Variants in SPTLC2 observed in about 807,000 individuals in gnomAD.
SPTLC2 encodes the protein serine palmitoyltransferase long chain base subunit 2.
In SPTLC2, 21 loss-of-function variants were observed where a neutral mutation model predicts 62.0. That is an observed-to-expected ratio of 0.34 (90% CI 0.24 to 0.49). SPTLC2 has a LOEUF of 0.49. Among genes scored for constraint, SPTLC2 ranks in the 20% least tolerant of loss-of-function variants. The pLI is 0.99. For missense variants in SPTLC2, 511 were observed against 713.0 expected, an observed-to-expected ratio of 0.72 and a Z score of 3.23; for synonymous variants, 261 against 261.8, an observed-to-expected ratio of 1.00 and a Z score of 0.03.
At chr14:77,581,406 T>TTG (rs2079750055) in intron 2 of SPTLC2, among the ~76,000 whole-genome samples, 1 of 22,060 alleles carries the variant, frequency 4.5e-5, no homozygotes, top group East Asian at 5.6e-4. Context: ...ACCATCTCTC[T>TTG]TTTTTTTTTT....
At chr14:77,518,628 T>C (rs1263101201) in intron 10 of SPTLC2, among the ~76,000 whole-genome samples, 2 of 150,328 alleles carry the variant, frequency 1.3e-5, no homozygotes, top group East Asian at 1.9e-4. Flanking sequence ...TGATATGTAA[T>C]AGTGGTTCAG....
intron 8 of SPTLC2, chr14:77,554,745 C>A: frequency 6.1e-6 from 1 of 163,812 alleles, no homozygotes; most frequent in Non-Finnish European, 1.3e-5. Context: ...TCGACCACAC[C>A]ACAGATTCTT....
intron 9 of SPTLC2, among the ~76,000 whole-genome samples, chr14:77,548,525 A>G (rs1322078294): frequency 6.6e-6 from 1 of 152,216 alleles, no homozygotes; most frequent in Admixed American, 6.5e-5. Context: ...GTGTAAAGTA[A>G]AAGTTAGAAT....
At chr14:77,516,247 GAAAAGGA>G (rs1432927325) in intron 11 of SPTLC2, among the ~76,000 whole-genome samples, 1 of 152,128 alleles carries the variant, frequency 6.6e-6, no homozygotes, top group African/African-American at 2.4e-5. Context: ...AGAATCTTAT[GAAAAGGA>G]TTAGAACTCT....
chr14:77,549,606 C>A (rs530083148), intron 9 of SPTLC2, among the ~76,000 whole-genome samples: 1 of 152,260 alleles, frequency 6.6e-6, no homozygotes, highest in Admixed American at 6.5e-5. Context: ...TCCAGGCCAG[C>A]CCCAGACAAC....
At chr14:77,537,059 A>C (rs955125347) in intron 9 of SPTLC2, among the ~76,000 whole-genome samples, 6 of 151,996 alleles carry the variant, frequency 3.9e-5, no homozygotes, top group Non-Finnish European at 5.9e-5. Context: ...AATAGCTGGG[A>C]CTACAGGCAC....
At position 77,555,251 on chromosome 14, in the gene SPTLC2, A is replaced by G. The variant is rs774280158; in HGVS notation, c.1176+49T>C. The G allele has an allele frequency of 3.1e-6, 5 of 1,610,040 alleles. No individual in the cohort carries two copies. In the Admixed American group the frequency reaches 6.7e-5, roughly 21 times the overall value. ...CTGCTAGGCCTGAGGTACCAAATCT[A>G]ATTGCCAGTGACTTTATCTCTAATC... On this transcript the variant is annotated intron_variant, in intron 8 of 11. Coordinates refer to ENST00000216484, the MANE Select transcript of SPTLC2 (RefSeq NM_004863.4).
At chr14:77,517,992 T>G in intron 11 of SPTLC2, 46 bp downstream of exon 11, 1 of 1,613,426 alleles carries the variant, frequency 6.2e-7, no homozygotes, top group South Asian at 1.1e-5. Flanking sequence ...ATACAGGCCC[T>G]TTTAATAAAA....
At chr14:77,587,759 A>AAATAATAATAATAATAATAATAATAAT (rs59005485) in intron 2 of SPTLC2, among the ~76,000 whole-genome samples, 4 of 145,100 alleles carry the variant, frequency 2.8e-5, no homozygotes, top group Non-Finnish European at 6.0e-5. Flanking sequence ...CTCTGTCTCA[A>AAATAATAATAATAATAATAATAATAAT]AATAATAATA....
intron 10 of SPTLC2, among the ~76,000 whole-genome samples, chr14:77,519,601 C>A (rs1275543808): frequency 6.6e-6 from 1 of 152,016 alleles, no homozygotes; most frequent in Non-Finnish European, 1.5e-5. Context: ...ATCTGTAATC[C>A]CAGCTACTGG....
chr14:77,553,408 T>A (rs975374711), intron 8 of SPTLC2, among the ~76,000 whole-genome samples: 1 of 152,052 alleles, frequency 6.6e-6, no homozygotes, highest in Non-Finnish European at 1.5e-5. Flanking sequence ...CCTGGTCCCA[T>A]TAACAAAAAG....
At chr14:77,594,234 T>G (rs910171504) in intron 2 of SPTLC2, among the ~76,000 whole-genome samples, 3 of 152,218 alleles carry the variant, frequency 2.0e-5, no homozygotes, top group African/African-American at 7.2e-5. Context: ...AATGTTTGTT[T>G]CCTCAACAAA....
intron 2 of SPTLC2, among the ~76,000 whole-genome samples, chr14:77,585,625 G>A (rs753754986): frequency 1.3e-5 from 2 of 152,054 alleles, no homozygotes; most frequent in South Asian, 2.1e-4. Context: ...TTTAAAGTTC[G>A]ACCCTTGACC....
chr14:77,544,220 G>A (rs2079516780), intron 9 of SPTLC2, among the ~76,000 whole-genome samples: 1 of 152,036 alleles, frequency 6.6e-6, no homozygotes, highest in Non-Finnish European at 1.5e-5. Context: ...ATGTCACCCA[G>A]ACTGGTCTCA....
At chr14:77,517,872 T>C (rs2079366711) in intron 11 of SPTLC2, among the ~76,000 whole-genome samples, 166 bp downstream of exon 11, 2 of 152,186 alleles carry the variant, frequency 1.3e-5, no homozygotes, top group Non-Finnish European at 2.9e-5. Context: ...GCAGGTGTGG[T>C]GGGTGACAGT....
At chr14:77,606,343 A>T (rs948487133) in intron 1 of SPTLC2, among the ~76,000 whole-genome samples, 9 of 150,962 alleles carry the variant, frequency 6.0e-5, no homozygotes, top group Admixed American at 3.3e-4. Context: ...AAAAACAACA[A>T]CAACTTTTGC....
At chr14:77,551,115 C>T (rs930565995) in intron 9 of SPTLC2, among the ~76,000 whole-genome samples, 1 of 151,826 alleles carries the variant, frequency 6.6e-6, no homozygotes, top group East Asian at 1.9e-4. Context: ...ACAACTGGGC[C>T]GGGCACGGTG....
chr14:77,570,670 G>A (rs2079676865), intron 4 of SPTLC2, among the ~76,000 whole-genome samples, 162 bp from the exon 5 acceptor site: 1 of 152,150 alleles, frequency 6.6e-6, no homozygotes. Context: ...ATAATATTGT[G>A]AAGAGTAATA....
chr14:77,529,262 T>C (rs1021267033), intron 9 of SPTLC2, among the ~76,000 whole-genome samples: 7 of 151,522 alleles, frequency 4.6e-5, no homozygotes, highest in African/African-American at 9.7e-5. Context: ...TCTTTTTTTT[T>C]TTTTTTTTTT....
Sources: allele counts gnomAD v4.1 joint callset (sites outside exome capture counted in the v4.1 genomes callset), GRCh38; gene constraint gnomAD v4.1.1; transcripts MANE v1.5; gene names NCBI Gene and HGNC (gene_info 2026-07-23, HGNC 2026-07-21).